Variants in CSF2RA observed in about 807,000 individuals in gnomAD.
The protein encoded by CSF2RA is colony stimulating factor 2 receptor subunit alpha, also known as granulocyte-macrophage colony-stimulating factor receptor subunit alpha.
A neutral mutation model predicts 51.6 loss-of-function variants in CSF2RA; 42 were observed. The ratio of observed to expected loss-of-function variants is 0.81; its 90% confidence interval spans 0.64 to 1.05. The LOEUF is 1.05. Among genes scored for constraint, CSF2RA ranks in the 50% least tolerant of loss-of-function variants. CSF2RA has a pLI of 0.00. For synonymous variants in CSF2RA, 222 were observed against 193.0 expected (o/e 1.15, Z -1.24); for missense variants, 530 against 501.1 (o/e 1.06, Z -0.55).
intron 8 of CSF2RA, among the ~76,000 whole-genome samples, chrX:1,295,068 C>G (rs758506367): frequency 3.2e-4 from 48 of 151,594 alleles, no homozygotes; most frequent in Non-Finnish European, 6.8e-4. Context: ...CCCATGTCCA[C>G]CTCGAGCCAG....
intron 4 of CSF2RA, among the ~76,000 whole-genome samples, chrX:1,286,449 A>T (rs1204511121): frequency 7.0e-6 from 1 of 142,732 alleles, no homozygotes; most frequent in African/African-American, 2.6e-5. Flanking sequence ...GGCATCTGTA[A>T]TCCCAGCTAC....
rs59008306 is a variant in CSF2RA, at chrX:1,307,702, A to T, written c.1126-1700A>T. ...ACCTTCGACTGATTAGATGAGGCCC[A>T]CCCTCCCCTTTATACCTTCGACTGA... On this transcript the variant is annotated intron_variant, in intron 12 of 12. Transcript: ENST00000381529. Among the ~76,000 whole-genome samples the T allele has an allele frequency of 1.9e-5, 2 of 106,180 alleles. 1 individual carries two copies. The highest frequency in any genetic ancestry group is 3.7e-5 in the Non-Finnish European group (2 of 54,564). 69.7% of individuals were successfully genotyped at this position (106,180 alleles called of 152,430 possible).
chrX:1,282,582 TG>T, intron 2 of CSF2RA, 95 bp from the exon 3 acceptor site: 1 of 885,066 alleles, frequency 1.1e-6, no homozygotes, highest in Non-Finnish European at 1.9e-6. Context: ...ACCACCATCC[TG>T]GGTTTGTTTC....
downstream of CSF2RA, among the ~76,000 whole-genome samples, chrX:1,314,946 C>G (rs185163219): frequency 3.1e-4 from 29 of 94,312 alleles, 4 homozygotes; most frequent in African/African-American, 8.8e-4. Context: ...TTGCCCAACC[C>G]CTCTGTGCCT....
At chrX:1,317,578 T>A in the CSF2RA span, among the ~76,000 whole-genome samples, 15 of 149,486 alleles carry the variant, frequency 1.0e-4, no homozygotes, top group South Asian at 4.2e-4. Flanking sequence ...ATTTTATTTT[T>A]TTTTTTTGAG....
chrX:1,276,735 G>A (rs2089236911), intron 2 of CSF2RA, among the ~76,000 whole-genome samples: 1 of 151,776 alleles, frequency 6.6e-6, no homozygotes, highest in African/African-American at 2.4e-5. Context: ...GGGGTGAAAT[G>A]TATTTTAAAG....
intron 10 of CSF2RA, among the ~76,000 whole-genome samples, chrX:1,302,327 G>C (rs2083073627): frequency 6.6e-6 from 1 of 152,016 alleles, no homozygotes; most frequent in Non-Finnish European, 1.5e-5. Flanking sequence ...GCAGGATATT[G>C]AGAAGTATGC....
chrX:1,275,078 A>G (rs1427137321), intron 2 of CSF2RA, among the ~76,000 whole-genome samples: 5 of 130,228 alleles, frequency 3.8e-5, no homozygotes, highest in African/African-American at 1.1e-4. Flanking sequence ...GAAGAGACGC[A>G]TGAACCTGTC....
rs138964358 is a variant in CSF2RA, at chrX:1,290,354, G to C, written c.491G>C (p.Arg164Pro). The C allele has an allele frequency of 6.2e-7, 1 of 1,613,252 alleles. No homozygotes were observed. The highest frequency in any genetic ancestry group is 8.5e-7 in the Non-Finnish European group (1 of 1,179,454). ...TCTTTCAGGAGAAGGAGGGAGATCC[G>C]GTGTCCTTATTACATACAAGACTCA... ...IRNSKRRREIRCPYYIQDSGT... is the reference protein window; with the variant it reads ...IRNSKRRREIPCPYYIQDSGT... The change falls in exon 7 of 13, where the codon CGG becomes CCG. Residue 164 changes from arginine to proline, a missense_variant. Arg to Pro is a moderately radical substitution (Grantham distance 103, BLOSUM62 -2). Coordinates refer to ENST00000381529, the MANE Select transcript of CSF2RA (RefSeq NM_172245.4).
chrX:1,309,445 G>A lies in CSF2RA; in HGVS notation c.1169G>A (p.Arg390His), dbSNP rs749182596. Reference protein sequence around the residue: ...EFTPEEGKGYREEVLTVKEIT With the variant: ...EFTPEEGKGYHEEVLTVKEIT Reference sequence around the variant, plus strand: ...ACCCCAGAGGAAGGGAAAGGCTACCGCGAAGAGGTCTTGACCGTGAAGGAA... The same window carrying A: ...ACCCCAGAGGAAGGGAAAGGCTACCACGAAGAGGTCTTGACCGTGAAGGAA... The change falls in exon 13 of 13, where the codon CGC (arginine) becomes CAC (histidine). Residue 390 changes from arginine to histidine, a missense_variant. Coordinates refer to ENST00000381529, the MANE Select transcript of CSF2RA (RefSeq NM_172245.4). The A allele has an allele frequency of 4.1e-5, 66 of 1,613,878 alleles. No individual in the cohort carries two copies. Among genetic ancestry groups the A allele is most frequent in the East Asian group, 8.9e-5 (4 of 44,896 alleles).
At chrX:1,322,018 C>G in the CSF2RA span, among the ~76,000 whole-genome samples, 1 of 151,980 alleles carries the variant, frequency 6.6e-6, no homozygotes, top group Non-Finnish European at 1.5e-5. Flanking sequence ...GCCTGTAATC[C>G]CAGAACTTTT....
intron 7 of CSF2RA, among the ~76,000 whole-genome samples, chrX:1,293,240 A>C (rs1372532974): frequency 6.6e-6 from 1 of 151,844 alleles, no homozygotes; most frequent in Non-Finnish European, 1.5e-5. Flanking sequence ...TCTGAGACAG[A>C]GTCTCACTCT....
chrX:1,275,801 G>T (rs1479859386), intron 2 of CSF2RA, among the ~76,000 whole-genome samples: 5 of 151,532 alleles, frequency 3.3e-5, no homozygotes, highest in African/African-American at 1.2e-4. Context: ...TTCGTGATCC[G>T]CCCGCCTCAG....
intron 2 of CSF2RA, among the ~76,000 whole-genome samples, chrX:1,276,631 C>T (rs1223083826): frequency 6.6e-6 from 1 of 152,142 alleles, no homozygotes; most frequent in Non-Finnish European, 1.5e-5. Flanking sequence ...ACCTGAGCCT[C>T]TCAAAGTGCT....
chrX:1,269,346 C>T (rs2147965049), intron 1 of CSF2RA, among the ~76,000 whole-genome samples: 1 of 152,158 alleles, frequency 6.6e-6, no homozygotes, highest in East Asian at 1.9e-4. Flanking sequence ...CGCGGCCGGG[C>T]GTGGTGGCTC....
the CSF2RA span, among the ~76,000 whole-genome samples, chrX:1,322,613 A>G: frequency 6.6e-6 from 1 of 150,734 alleles, no homozygotes; most frequent in Non-Finnish European, 1.5e-5. Flanking sequence ...GTCACGCGGC[A>G]GCTCTCGGAG....
intron 9 of CSF2RA, among the ~76,000 whole-genome samples, chrX:1,299,984 G>A (rs1156656537): frequency 2.1e-4 from 32 of 152,048 alleles, no homozygotes; most frequent in African/African-American, 6.3e-4. Flanking sequence ...TTGTGAGGCC[G>A]AGGCGGTCGG....
the CSF2RA span, among the ~76,000 whole-genome samples, chrX:1,322,445 T>G: frequency 7.0e-5 from 6 of 85,404 alleles, no homozygotes; most frequent in African/African-American, 2.0e-4. Context: ...GTTTGTTTTT[T>G]TTTTTTTTTT....
intron 4 of CSF2RA, among the ~76,000 whole-genome samples, chrX:1,287,447 C>T (rs1182618461): frequency 6.9e-6 from 1 of 144,790 alleles, no homozygotes; most frequent in Non-Finnish European, 1.5e-5. Flanking sequence ...CCACCGTGTC[C>T]GACCTTTATT....
Sources: allele counts gnomAD v4.1 joint callset (sites outside exome capture counted in the v4.1 genomes callset), GRCh38; gene constraint gnomAD v4.1.1; transcripts MANE v1.5; gene names NCBI Gene and HGNC (gene_info 2026-07-23, HGNC 2026-07-21).